KLHDC10: variants seen among roughly 807,000 people sequenced by gnomAD.
KLHDC10 encodes the protein kelch domain-containing protein 10.
KLHDC10 carries 24 observed loss-of-function variants against 56.1 expected under a neutral mutation model. That is an observed-to-expected ratio of 0.43 (90% CI 0.31 to 0.60). The LOEUF (loss-of-function observed/expected upper bound fraction) is 0.60. Ranked by LOEUF, KLHDC10 falls within the 20% of genes least tolerant of loss-of-function variation. KLHDC10 has a pLI of 0.11. For synonymous variants in KLHDC10, 188 were observed against 207.1 expected (o/e 0.91, Z 0.79); for missense variants, 349 against 567.0 (o/e 0.62, Z 3.91).
At chr7:130,127,230 A>G (rs1796326767) in intron 7 of KLHDC10, among the ~76,000 whole-genome samples, 174 bp from the exon 8 acceptor site, 1 of 152,048 alleles carries the variant, frequency 6.6e-6, no homozygotes, top group Non-Finnish European at 1.5e-5. Flanking sequence ...TTATGATGAG[A>G]CTCCTGATGG....
chr7:130,086,559 T>C (rs532667421), intron 1 of KLHDC10, among the ~76,000 whole-genome samples: 197 of 152,300 alleles, frequency 1.3e-3, no homozygotes, highest in African/African-American at 4.4e-3. Context: ...TGCATATAGG[T>C]GTATGTTATC....
At chr7:130,129,333 A>T in intron 8 of KLHDC10, 104 bp from the exon 9 acceptor site, 1 of 1,331,694 alleles carries the variant, frequency 7.5e-7, no homozygotes, top group Non-Finnish European at 1.0e-6. Context: ...GGGGCAATCC[A>T]CTTCACTGGC....
chr7:130,088,085 T>A (rs1795716879), intron 1 of KLHDC10, among the ~76,000 whole-genome samples: 1 of 152,082 alleles, frequency 6.6e-6, no homozygotes, highest in Non-Finnish European at 1.5e-5. Context: ...AAAGCAACTT[T>A]TAAAATATCA....
At chr7:130,081,629 G>C (rs540531207) in intron 1 of KLHDC10, among the ~76,000 whole-genome samples, 195 of 152,278 alleles carry the variant, frequency 1.3e-3, no homozygotes, top group African/African-American at 4.4e-3. Flanking sequence ...TTTTGATAAT[G>C]TTAAGTCTTC....
intron 5 of KLHDC10, among the ~76,000 whole-genome samples, chr7:130,124,194 A>C (rs567742097): frequency 6.6e-6 from 1 of 152,072 alleles, no homozygotes; most frequent in East Asian, 1.9e-4. Context: ...TTTTAATGCA[A>C]TTGATTAAAA....
intron 1 of KLHDC10, among the ~76,000 whole-genome samples, chr7:130,077,944 C>T (rs960804316): frequency 6.6e-6 from 1 of 151,920 alleles, no homozygotes; most frequent in Non-Finnish European, 1.5e-5. Context: ...TACCTAGCCA[C>T]GTTAAGAATT....
intron 6 of KLHDC10, among the ~76,000 whole-genome samples, chr7:130,125,191 G>A (rs1297459517): frequency 1.3e-5 from 2 of 152,164 alleles, no homozygotes; most frequent in Non-Finnish European, 2.9e-5. Context: ...AGAAAATCAA[G>A]CATCACATGC....
At chr7:130,115,527 C>T (rs1046133465) in intron 2 of KLHDC10, among the ~76,000 whole-genome samples, 5 of 151,724 alleles carry the variant, frequency 3.3e-5, no homozygotes, top group African/African-American at 1.2e-4. Context: ...ACCAGCCTGA[C>T]CAACATGGAG....
chr7:130,116,776 C>A lies in KLHDC10; in HGVS notation c.475+110C>A. 1 of 914,652 alleles carries A rather than the reference C, an allele frequency of 1.1e-6. No individual in the cohort carries two copies. Among genetic ancestry groups the A allele is most frequent in the South Asian group, 1.5e-5 (1 of 65,384 alleles). 56.7% of individuals were successfully genotyped at this position (914,652 alleles called of 1,614,324 possible). A position where few individuals can be genotyped will look rare whatever the true frequency, so the allele number is the denominator to read the frequency against. On this transcript the variant is annotated intron_variant, in intron 3 of 9. Transcript: ENST00000335420. The surrounding 1 kb of genome is among the most constrained non-coding windows in gnomAD (Gnocchi z 4.8). ...TATAACACTATAATGTGATTTCGCC[C>A]TGTGGGTGGATAGGCTTTTTACTAG...
In KLHDC10 at chr7:130,120,606, C is replaced by G. The variant is rs572820582; in HGVS notation, c.476-143C>G. ...AGATTTTCAGATTTGGCACGCTCAG[C>G]TACTAGTTAGATGTCAGTGGTTTGA... On this transcript the variant is annotated intron_variant, in intron 3 of 9. Transcript: ENST00000335420. The surrounding 1 kb of genome is among the most constrained non-coding windows in gnomAD (Gnocchi z 5.1). 19 of 787,976 alleles carry G rather than the reference C, an allele frequency of 2.4e-5. No individual in the cohort carries two copies. The East Asian group carries it at 5.1e-4, about 21-fold the overall frequency. 48.8% of individuals were successfully genotyped at this position (787,976 alleles called of 1,614,324 possible). A position where few individuals can be genotyped will look rare whatever the true frequency, so the allele number is the denominator to read the frequency against.
chr7:130,083,793 G>A (rs747388195), intron 1 of KLHDC10, among the ~76,000 whole-genome samples: 32 of 152,144 alleles, frequency 2.1e-4, no homozygotes, highest in Non-Finnish European at 3.4e-4. Flanking sequence ...CAAGTCAAAG[G>A]GACATTTTAA....
At chr7:130,115,660 A>C (rs1789717006) in intron 2 of KLHDC10, among the ~76,000 whole-genome samples, 1 of 142,026 alleles carries the variant, frequency 7.0e-6, no homozygotes, top group Admixed American at 7.6e-5. Flanking sequence ...GGTTGCAGTG[A>C]GCTGAGATCG....
At chr7:130,079,867 TTTCTTCCTCCC>T (rs1795576420) in intron 1 of KLHDC10, among the ~76,000 whole-genome samples, 1 of 134,470 alleles carries the variant, frequency 7.4e-6, no homozygotes, top group African/African-American at 2.8e-5. Flanking sequence ...CCTTCCTCCC[TTTCTTCCTCCC>T]TCCCTCCCTT....
chr7:130,087,477 G>C (rs958057767), intron 1 of KLHDC10, among the ~76,000 whole-genome samples: 2 of 151,892 alleles, frequency 1.3e-5, no homozygotes, highest in Non-Finnish European at 2.9e-5. Flanking sequence ...AGCGTCATAA[G>C]GCATAATAAG....
In KLHDC10 at chr7:130,130,414, G is replaced by A; in HGVS notation, c.1120-123G>A. On this transcript the variant is annotated intron_variant, in intron 9 of 9. Transcript: ENST00000335420. This position sits in a 1 kb window ranked among gnomAD's most constrained non-coding sequence, Gnocchi z 4.2. ...CCTCTTGATCTCCACATGGTATTGG[G>A]ATCAGTGAGGAATTCTTGTTTCATT... 2 of 720,186 alleles carry A rather than the reference G, an allele frequency of 2.8e-6. No homozygotes were observed. The highest frequency in any genetic ancestry group is 2.1e-5 in the Admixed American group (1 of 46,762). 44.6% of individuals were successfully genotyped at this position (720,186 alleles called of 1,614,324 possible).
At chr7:130,103,125 A>C in intron 2 of KLHDC10, among the ~76,000 whole-genome samples, 1 of 151,950 alleles carries the variant, frequency 6.6e-6, no homozygotes, top group Non-Finnish European at 1.5e-5. Flanking sequence ...AAGGGAGAAA[A>C]TTTAAAAATC....
chr7:130,100,541 G>A (rs1462276543), intron 2 of KLHDC10, among the ~76,000 whole-genome samples: 1 of 152,284 alleles, frequency 6.6e-6, no homozygotes, highest in East Asian at 1.9e-4. Context: ...AAATAGGATG[G>A]GAGTAACATT....
chr7:130,075,109 T>G (rs1191165522), intron 1 of KLHDC10, among the ~76,000 whole-genome samples: 1 of 152,236 alleles, frequency 6.6e-6, no homozygotes, highest in Non-Finnish European at 1.5e-5. Flanking sequence ...ATAATTTCTA[T>G]ACACCCAGTA....
intron 8 of KLHDC10, among the ~76,000 whole-genome samples, chr7:130,128,919 T>TATATATACACAC (rs1292651924): frequency 1.7e-5 from 2 of 115,716 alleles, no homozygotes; most frequent in African/African-American, 3.5e-5. Flanking sequence ...TATATATATA[T>TATATATACACAC]ACATACTAGC....
Sources: gnomAD v4.1 joint callset for allele counts (sites outside exome capture counted in the v4.1 genomes callset) on GRCh38, gnomAD v4.1.1 for gene constraint, Gnocchi (gnomAD v3.1) non-coding constraint, MANE v1.5 for transcripts, NCBI Gene and HGNC (gene_info 2026-07-23, HGNC 2026-07-21) for gene names.